Variants in TLK1 observed in about 807,000 individuals in gnomAD.
TLK1 encodes the protein serine/threonine-protein kinase tousled-like 1.
Under a neutral mutation model 105.3 loss-of-function variants are expected in TLK1, and 24 were observed. The ratio of observed to expected loss-of-function variants is 0.23; its 90% CI spans 0.17 to 0.32. The LOEUF is 0.32. Ranked by LOEUF, TLK1 falls within the 10% of genes least tolerant of loss-of-function variation. TLK1 has a pLI of 1.00. For synonymous variants in TLK1, 321 were observed against 310.4 expected (o/e 1.03, Z -0.36); for missense variants, 558 against 910.5 (o/e 0.61, Z 4.98).
intron 1 of TLK1, among the ~76,000 whole-genome samples, chr2:171,226,583 C>T (rs1450778770): frequency 1.3e-5 from 2 of 152,150 alleles, no homozygotes; most frequent in Admixed American, 6.5e-5. Flanking sequence ...GGCATCTGCT[C>T]CTATCATGGA....
intron 1 of TLK1, among the ~76,000 whole-genome samples, chr2:171,194,645 A>G (rs958455888): frequency 1.2e-4 from 18 of 151,722 alleles, no homozygotes; most frequent in African/African-American, 3.1e-4. Context: ...GTGAAACTCC[A>G]TCTCTACTAA....
chr2:171,140,960 CTAAAT>C (rs1355930229), intron 1 of TLK1, among the ~76,000 whole-genome samples: 1 of 151,964 alleles, frequency 6.6e-6, no homozygotes, highest in Non-Finnish European at 1.5e-5. Context: ...GTAAAATAAA[CTAAAT>C]TAAAGAACTC....
Position 171,014,960 on chromosome 2 carries a change from G to A in TLK1, c.1237-12C>T. On this transcript the variant is annotated splice_polypyrimidine_tract_variant and intron_variant, in intron 12 of 20. Coordinates refer to ENST00000431350, the MANE Select transcript of TLK1 (RefSeq NM_012290.5). ...ATTTCTGCCTCTTCCTGAAAATGAA[G>A]AGAGGGGACTATAACAAGCTCAATT... 6.3e-7 allele frequency: 1 copy of A among 1,593,814 alleles called. No homozygotes were observed. The highest frequency in any genetic ancestry group is 8.6e-7 in the Non-Finnish European group (1 of 1,161,934).
intron 1 of TLK1, among the ~76,000 whole-genome samples, chr2:171,206,681 C>T (rs1005646190): frequency 5.3e-5 from 8 of 152,130 alleles, no homozygotes; most frequent in Non-Finnish European, 1.0e-4. Flanking sequence ...AAACTAAAAT[C>T]TATGTAAAAG....
At chr2:171,127,470 CCA>C (rs1033532756) in intron 1 of TLK1, among the ~76,000 whole-genome samples, 11 of 151,856 alleles carry the variant, frequency 7.2e-5, no homozygotes, top group African/African-American at 2.2e-4. Flanking sequence ...ATTATTTATT[CCA>C]CAGTTTGATT....
chr2:171,036,263 G>A (rs978417581), intron 11 of TLK1, among the ~76,000 whole-genome samples: 2 of 152,148 alleles, frequency 1.3e-5, no homozygotes, highest in African/African-American at 4.8e-5. Flanking sequence ...TGACCAGCAT[G>A]GTGAAACCCT....
chr2:171,178,327 C>T, intron 1 of TLK1, among the ~76,000 whole-genome samples: 1 of 152,194 alleles, frequency 6.6e-6, no homozygotes, highest in East Asian at 1.9e-4. Context: ...CAAGTCTGTG[C>T]TCTCAACTGT....
intron 1 of TLK1, among the ~76,000 whole-genome samples, chr2:171,157,244 A>G (rs1323865433): frequency 6.6e-6 from 1 of 152,230 alleles, no homozygotes; most frequent in East Asian, 1.9e-4. Context: ...AACCCATTCA[A>G]AAGTACCCAT....
intron 1 of TLK1, among the ~76,000 whole-genome samples, chr2:171,129,567 T>A (rs1328076862): frequency 6.6e-6 from 1 of 151,834 alleles, no homozygotes; most frequent in Non-Finnish European, 1.5e-5. Context: ...GGGCCAGGAG[T>A]GGTGTCTCAC....
At chr2:171,048,049 A>G (rs1687043028) in intron 10 of TLK1, among the ~76,000 whole-genome samples, 2 of 152,136 alleles carry the variant, frequency 1.3e-5, no homozygotes, top group Admixed American at 1.3e-4. Flanking sequence ...CCCAGGTTCA[A>G]GCAATTCTCG....
chr2:171,048,737 T>C (rs1335470586), intron 10 of TLK1, among the ~76,000 whole-genome samples: 1 of 78,222 alleles, frequency 1.3e-5, no homozygotes, highest in Non-Finnish European at 3.1e-5. Context: ...GAGAAGGCCA[T>C]TCTGTGGCAA....
intron 5 of TLK1, 87 bp from the exon 6 acceptor site, chr2:171,056,653 T>C (rs894790103): frequency 1.9e-6 from 2 of 1,048,008 alleles, no homozygotes; most frequent in Non-Finnish European, 2.8e-6. Flanking sequence ...TTAATCTAAA[T>C]ATACCTAATT....
At chr2:170,993,987 AATG>A (rs1683922217) in intron 20 of TLK1, 31 bp from the exon 21 acceptor site, 2 of 1,553,652 alleles carry the variant, frequency 1.3e-6, no homozygotes, top group African/African-American at 1.4e-5. Flanking sequence ...GTTAGCAATT[AATG>A]ATCTTTTTCC....
chr2:171,095,630 T>C (rs1030249572), intron 2 of TLK1, among the ~76,000 whole-genome samples: 1 of 152,086 alleles, frequency 6.6e-6, no homozygotes, highest in Non-Finnish European at 1.5e-5. Flanking sequence ...AGGATCATCA[T>C]ACACCAAGAT....
At chr2:171,163,111 C>T (rs1407175087), upstream of TLK1, among the ~76,000 whole-genome samples, 1 of 152,144 alleles carries the variant, frequency 6.6e-6, no homozygotes, top group East Asian at 1.9e-4. Flanking sequence ...TTCTTTCACT[C>T]GACATTATTT....
chr2:171,085,843 A>G (rs1222413164), intron 2 of TLK1, among the ~76,000 whole-genome samples: 3 of 152,208 alleles, frequency 2.0e-5, no homozygotes, highest in Non-Finnish European at 4.4e-5. Context: ...AAGGGAGAGG[A>G]TATAATATTT....
At chr2:171,042,114 C>T (rs377686765) in intron 11 of TLK1, among the ~76,000 whole-genome samples, 11 of 152,070 alleles carry the variant, frequency 7.2e-5, no homozygotes, top group Admixed American at 2.0e-4. Context: ...GGGATAGAAA[C>T]GAAAGAAGAC....
chr2:171,033,738 C>G (rs1220259778), intron 11 of TLK1, among the ~76,000 whole-genome samples: 1 of 144,922 alleles, frequency 6.9e-6, no homozygotes, highest in Non-Finnish European at 1.5e-5. Flanking sequence ...GCAAACACCA[C>G]AATTACTTTT....
intron 12 of TLK1, among the ~76,000 whole-genome samples, chr2:171,022,022 G>C (rs1685534867): frequency 6.6e-6 from 1 of 151,656 alleles, no homozygotes; most frequent in Non-Finnish European, 1.5e-5. Context: ...AGAATCGATT[G>C]AACCTGGGAA....
Sources: gnomAD v4.1 joint callset for allele counts (sites outside exome capture counted in the v4.1 genomes callset) on GRCh38, gnomAD v4.1.1 for gene constraint, MANE v1.5 for transcripts, NCBI Gene and HGNC (gene_info 2026-07-23, HGNC 2026-07-21) for gene names.